The following ARID2 variants were observed in gnomAD, a reference collection of about 807,000 sequenced individuals.
The protein encoded by ARID2 is AT-rich interactive domain-containing protein 2.
Under a neutral mutation model 184.6 loss-of-function variants are expected in ARID2, and 32 were observed. That is an observed-to-expected ratio of 0.17 (90% CI 0.13 to 0.23). ARID2 has a LOEUF of 0.23. Among genes scored for constraint, ARID2 ranks in the 10% least tolerant of loss-of-function variants. The pLI, the probability that ARID2 is intolerant of heterozygous loss-of-function variation, is 1.00. For synonymous variants in ARID2, 836 were observed against 772.6 expected, an observed-to-expected ratio of 1.08 and a Z score of -1.36; for missense variants, 1,696 against 2,197.6, an observed-to-expected ratio of 0.77 and a Z score of 4.56.
At chr12:45,784,374 A>C (rs1034023648) in intron 3 of ARID2, among the ~76,000 whole-genome samples, 3 of 152,152 alleles carry the variant, frequency 2.0e-5, no homozygotes, top group Non-Finnish European at 2.9e-5. Flanking sequence ...AGCAATTCCA[A>C]TTAAAATTAA....
rs143284756 is a variant in ARID2 at position 45,739,545 on chromosome 12, A to G, written c.284+8231A>G. Among the ~76,000 whole-genome samples the G allele has an allele frequency of 6.7e-4, 92 of 137,354 alleles. No individual in the cohort carries two copies. In the East Asian group the frequency reaches 0.014, roughly 20 times the overall value. 90.1% of individuals were successfully genotyped at this position (137,354 alleles called of 152,430 possible). A position where few individuals can be genotyped will look rare whatever the true frequency, so the allele number is the denominator to read the frequency against. ...GAATTCAAATAAAGTTGTGTAATCTATTGTTTGGATAAACATCTTATTGTA... is the reference window on the plus strand; with the variant it reads ...GAATTCAAATAAAGTTGTGTAATCTGTTGTTTGGATAAACATCTTATTGTA... On this transcript the variant is annotated intron_variant, in intron 3 of 20. Transcript: ENST00000334344.
intron 20 of ARID2, among the ~76,000 whole-genome samples, chr12:45,895,577 C>A (rs562433683): frequency 6.6e-6 from 1 of 152,356 alleles, no homozygotes; most frequent in African/African-American, 2.4e-5. Flanking sequence ...CTCTATCGCC[C>A]AGGCTGGAGT....
At chr12:45,779,083 A>T (rs1273229946) in intron 3 of ARID2, among the ~76,000 whole-genome samples, 1 of 151,978 alleles carries the variant, frequency 6.6e-6, no homozygotes, top group East Asian at 1.9e-4. Context: ...TTTTATTGTC[A>T]TACATTTAAG....
At chr12:45,893,584 C>T (rs750650671) in intron 19 of ARID2, 41 bp downstream of exon 19, 1 of 1,608,130 alleles carries the variant, frequency 6.2e-7, no homozygotes, top group Non-Finnish European at 8.5e-7. Flanking sequence ...AAGTCTGAGT[C>T]CTGTATGATT....
chr12:45,837,437 T>A lies in ARID2; in HGVS notation c.1120+20T>A, dbSNP rs1943241424. 1 of 1,610,414 alleles carries A rather than the reference T, an allele frequency of 6.2e-7. No individual in the cohort carries two copies. Among genetic ancestry groups the A allele is most frequent in the South Asian group, 1.1e-5 (1 of 90,706 alleles). Reference sequence around the variant, plus strand: ...TGAGAGGTGAGTTTTCACTGAAGTATTTACTTTCTAAAGTAAACAAACTAT... The same window carrying A: ...TGAGAGGTGAGTTTTCACTGAAGTAATTACTTTCTAAAGTAAACAAACTAT... On this transcript the variant is annotated intron_variant, in intron 9 of 20. Coordinates refer to ENST00000334344, the MANE Select transcript of ARID2 (RefSeq NM_152641.4).
At chr12:45,767,376 A>G (rs1425257906) in intron 3 of ARID2, among the ~76,000 whole-genome samples, 2 of 152,138 alleles carry the variant, frequency 1.3e-5, no homozygotes, top group Non-Finnish European at 2.9e-5. Context: ...TAGTTTTTAT[A>G]AAGTTGTTTT....
chr12:45,854,832 T>C (rs1943616099), intron 15 of ARID2, among the ~76,000 whole-genome samples: 1 of 152,234 alleles, frequency 6.6e-6, no homozygotes, highest in African/African-American at 2.4e-5. Flanking sequence ...AGGGACTTTA[T>C]ACTAAAGCAG....
At position 45,837,584 on chromosome 12, in the gene ARID2, A is replaced by T; in HGVS notation, c.1207A>T (p.Ile403Phe). Residue 403 changes from isoleucine (I) to phenylalanine (F), a missense_variant, in exon 10 of 21, where the codon ATC becomes TTC. This residue lies in a region of ARID2 where 86 missense variants were observed against 200.8 expected (regional missense o/e 0.43). Coordinates refer to ENST00000334344, the MANE Select transcript of ARID2 (RefSeq NM_152641.4). ...TGTGGATCAGGATTCCTACAGAGAG[A>T]TCATTTGTCATCTCACTTTACCTGA... Reference protein sequence around the residue: ...EYVDQDSYREIICHLTLPDVL... With the variant: ...EYVDQDSYREFICHLTLPDVL... 1 of 1,614,062 alleles carries T rather than the reference A, an allele frequency of 6.2e-7. No homozygotes were observed. The highest frequency in any genetic ancestry group is 8.5e-7 in the Non-Finnish European group (1 of 1,179,976).
intron 16 of ARID2, among the ~76,000 whole-genome samples, chr12:45,869,185 T>C (rs1377360208): frequency 6.6e-6 from 1 of 151,952 alleles, no homozygotes; most frequent in Non-Finnish European, 1.5e-5. Flanking sequence ...CCCAGCTAAT[T>C]TTTGTATTTT....
At chr12:45,824,063 A>G (rs1248398299) in intron 6 of ARID2, among the ~76,000 whole-genome samples, 4 of 152,080 alleles carry the variant, frequency 2.6e-5, no homozygotes, top group Non-Finnish European at 5.9e-5. Context: ...AAATCCAACA[A>G]CATATCAAAA....
intron 5 of ARID2, among the ~76,000 whole-genome samples, chr12:45,819,385 T>C (rs1365232631): frequency 1.3e-5 from 2 of 152,180 alleles, no homozygotes; most frequent in Non-Finnish European, 2.9e-5. Context: ...TTTCTATCAT[T>C]TGAAGTCACA....
At chr12:45,898,690 C>T (rs894767740) in intron 20 of ARID2, among the ~76,000 whole-genome samples, 17 of 151,464 alleles carry the variant, frequency 1.1e-4, no homozygotes, top group Admixed American at 8.5e-4. Context: ...CTGAGGCGGG[C>T]GGATCATCCG....
intron 16 of ARID2, among the ~76,000 whole-genome samples, chr12:45,867,889 C>T (rs1250237342): frequency 6.6e-6 from 1 of 152,154 alleles, no homozygotes; most frequent in Non-Finnish European, 1.5e-5. Flanking sequence ...CTGCACCTGA[C>T]CACTCTATGG....
chr12:45,884,420 CATT>C (rs1163978440), intron 16 of ARID2, among the ~76,000 whole-genome samples: 2 of 151,612 alleles, frequency 1.3e-5, no homozygotes, highest in African/African-American at 2.4e-5. Flanking sequence ...ACAAACAAAA[CATT>C]GTTATAATAC....
intron 5 of ARID2, among the ~76,000 whole-genome samples, chr12:45,820,041 G>C (rs1249636098): frequency 1.3e-5 from 2 of 152,056 alleles, no homozygotes; most frequent in African/African-American, 2.4e-5. Flanking sequence ...ACCATGCCCG[G>C]CCCCTAGGGA....
At chr12:45,815,338 T>A (rs932291241) in intron 4 of ARID2, among the ~76,000 whole-genome samples, 2 of 152,228 alleles carry the variant, frequency 1.3e-5, no homozygotes, top group Admixed American at 6.5e-5. Flanking sequence ...TATGAGAAAT[T>A]TCATTTATAA....
intron 3 of ARID2, among the ~76,000 whole-genome samples, chr12:45,750,957 G>T (rs1281933215): frequency 6.6e-6 from 1 of 152,140 alleles, no homozygotes; most frequent in African/African-American, 2.4e-5. Flanking sequence ...TACCAGCTAT[G>T]TAGAATACTG....
chr12:45,758,565 A>C (rs1228921739), intron 3 of ARID2, among the ~76,000 whole-genome samples: 2 of 152,214 alleles, frequency 1.3e-5, no homozygotes, highest in African/African-American at 4.8e-5. Flanking sequence ...CCCAAAAATT[A>C]AGTAACAATG....
At chr12:45,904,644 T>C (rs1216040336) in intron 20 of ARID2, among the ~76,000 whole-genome samples, 4 of 144,112 alleles carry the variant, frequency 2.8e-5, no homozygotes, top group Non-Finnish European at 5.9e-5. Context: ...TGAGCTAAGA[T>C]TGCGCCATTA....
Sources: allele counts gnomAD v4.1 joint callset (sites outside exome capture counted in the v4.1 genomes callset), GRCh38; gene constraint gnomAD v4.1.1; regional missense constraint gnomAD v4.1.1; transcripts MANE v1.5; gene names NCBI Gene and HGNC (gene_info 2026-07-23, HGNC 2026-07-21).